DDX54: variants seen among roughly 807,000 people sequenced by gnomAD.
The protein encoded by DDX54 is DEAD-box helicase 54, also known as ATP-dependent RNA helicase DDX54.
Under a neutral mutation model 105.5 loss-of-function variants are expected in DDX54, and 67 were observed. The observed-to-expected ratio is 0.64, with a 90% CI of 0.52 to 0.78. The LOEUF is 0.78. Ranked by LOEUF, DDX54 falls within the 30% of genes least tolerant of loss-of-function variation. The pLI is 0.00. For missense variants in DDX54, 1,206 were observed against 1,230.5 expected, an observed-to-expected ratio of 0.98 and a Z score of 0.30; for synonymous variants, 514 against 509.9, an observed-to-expected ratio of 1.01 and a Z score of -0.11.
intron 17 of DDX54, 27 bp from the exon 18 acceptor site, chr12:113,162,024 G>A (rs779383733): frequency 8.1e-6 from 13 of 1,607,022 alleles, no homozygotes; most frequent in Admixed American, 1.7e-5. Context: ...TGGGACGGCT[G>A]CCGTGGAGGG....
intron 10 of DDX54, 144 bp from the exon 11 acceptor site, chr12:113,172,707 A>G: frequency 9.9e-7 from 1 of 1,014,812 alleles, no homozygotes; most frequent in Non-Finnish European, 1.4e-6. Flanking sequence ...TCTGAATCCC[A>G]GCTTGCTGGG....
At chr12:113,167,971 C>T (rs761969350) in intron 12 of DDX54, 1 of 506,544 alleles carries the variant, frequency 2.0e-6, no homozygotes. Context: ...GGCCCTTGCA[C>T]TCTCAGCTTT....
intron 3 of DDX54, 112 bp from the exon 4 acceptor site, chr12:113,179,443 G>A (rs978429715): frequency 1.5e-5 from 18 of 1,214,492 alleles, no homozygotes; most frequent in Non-Finnish European, 2.1e-5. Context: ...TGAATGGGCA[G>A]GCACCCGTCA....
chr12:113,158,727 G>T lies in DDX54; in HGVS notation c.*150C>A. 1.2e-6 allele frequency: 1 copy of T among 832,152 alleles called. No individual in the cohort carries two copies. The highest frequency in any genetic ancestry group is 1.8e-6 in the Non-Finnish European group (1 of 548,488). The allele number at this position is 832,152 out of a possible 1,614,324, so 51.5% of individuals were successfully genotyped here. A position where few individuals can be genotyped will look rare whatever the true frequency, so the allele number is the denominator to read the frequency against. On this transcript the variant is annotated 3_prime_UTR_variant, in exon 20 of 20. Transcript: ENST00000306014. This position sits in a 1 kb window ranked among gnomAD's most constrained non-coding sequence, Gnocchi z 4.9. The stretch of plus-strand genomic sequence containing the variant: ...CTGACGCAGCTGCTGCCCTTCTGTG[G>T]CCATACAGTGCTCCTTTTCACAGAT...
chr12:113,162,286 C>T (rs1952217393), intron 17 of DDX54, among the ~76,000 whole-genome samples: 1 of 152,176 alleles, frequency 6.6e-6, no homozygotes, highest in Non-Finnish European at 1.5e-5. Context: ...GGTTTCCAAT[C>T]CCCTCCCCCT....
intron 18 of DDX54, 127 bp downstream of exon 18, chr12:113,161,766 G>A (rs1473444065): frequency 1.4e-6 from 1 of 731,312 alleles, no homozygotes; most frequent in East Asian, 3.0e-5. Flanking sequence ...AGATGCGGCT[G>A]CTTAAGCCGC....
chr12:113,176,333 C>T (rs890243328), intron 7 of DDX54, among the ~76,000 whole-genome samples: 20 of 152,234 alleles, frequency 1.3e-4, no homozygotes, highest in African/African-American at 4.1e-4. Flanking sequence ...TTTGGGAGGC[C>T]GAGGCGGGTG....
At chr12:113,167,568 G>T (rs1378189335) in intron 12 of DDX54, among the ~76,000 whole-genome samples, 2 of 152,190 alleles carry the variant, frequency 1.3e-5, no homozygotes, top group Non-Finnish European at 2.9e-5. Context: ...GAGGTTTAGA[G>T]ATTTGCCAAG....
At chr12:113,179,568 A>G (rs1011792054) in intron 3 of DDX54, among the ~76,000 whole-genome samples, 2 of 152,182 alleles carry the variant, frequency 1.3e-5, no homozygotes, top group Non-Finnish European at 2.9e-5. Flanking sequence ...TCTTCGGAGG[A>G]GCCAGACTCT....
Position 113,172,419 on chromosome 12 carries a change from G to T in DDX54, c.1213C>A (p.Pro405Thr). 6.2e-7 allele frequency: 1 copy of T among 1,614,262 alleles called. No individual in the cohort carries two copies. The highest frequency in any genetic ancestry group is 8.5e-7 in the Non-Finnish European group (1 of 1,180,044). The change falls in exon 11 of 20, where the codon CCG (proline) becomes ACG (threonine). Residue 405 changes from proline (P) to threonine (T), a missense_variant. Physicochemically the swap from Pro to Thr is conservative, Grantham distance 38. Coordinates refer to ENST00000306014, the MANE Select transcript of DDX54 (RefSeq NM_024072.4). ...TAGTTGATGACATTGTCCAGCAGCG[G>T]GATGTCCAGGCCTCGGGCGGCCAGG... ...TDLAARGLDI[P>T]LLDNVINYSF...
chr12:113,163,332 C>T lies in DDX54; in HGVS notation c.1939-58G>A. ...GCCTGCTGCCCCCTGGGGACTTCCC[C>T]CTGCCTCCCTACCCACCAGCCTGGC... On this transcript the variant is annotated intron_variant, in intron 15 of 19. Transcript: ENST00000306014. The surrounding 1 kb of genome is among the most constrained non-coding windows in gnomAD (Gnocchi z 5.9). 5 of 1,559,788 alleles carry T rather than the reference C, an allele frequency of 3.2e-6. No homozygotes were observed. The South Asian group carries it at 5.8e-5, about 18-fold the overall frequency.
At chr12:113,172,212 A>T in intron 11 of DDX54, 141 bp downstream of exon 11, 1 of 928,334 alleles carries the variant, frequency 1.1e-6, no homozygotes, top group Non-Finnish European at 1.6e-6. Context: ...AGACCAGCTT[A>T]AGCAATATAG....
Position 113,179,146 on chromosome 12 carries a change from C to T in DDX54, c.561G>A (p.Lys187=), listed in dbSNP as rs770104291. ...CTCTAGCCAAGCTCAGACACACCTC[C>T]TTAGTGAACTTCAGGGTCTGCAGGG... ...ELALQTLKFT[K]ELGKFTGLKT... is the part of the protein sequence containing the mutation. The change falls in exon 4 of 20, where the codon AAG becomes AAA. Residue 187 remains lysine, a synonymous_variant. Coordinates refer to ENST00000306014, the MANE Select transcript of DDX54 (RefSeq NM_024072.4). The T allele has an allele frequency of 1.1e-5, 18 of 1,614,022 alleles. No homozygotes were observed. The Admixed American group carries it at 1.7e-4, about 15-fold the overall frequency.
At position 113,165,986 on chromosome 12, in the gene DDX54, C is replaced by T. The variant is rs903123706; in HGVS notation, c.1461G>A (p.Val487=). 7 of 1,612,178 alleles carry T rather than the reference C, an allele frequency of 4.3e-6. No homozygotes were observed. The African/African-American group carries it at 9.3e-5, about 22-fold the overall frequency. The change falls in exon 13 of 20, where the codon GTG becomes GTA. Residue 487 remains valine (V), a synonymous_variant. Transcript: ENST00000306014. ...GCAGACCACTGTCCTCCTCGTCCACCACACTCTGTGGCACCCGACCCAGCA... is the reference window on the plus strand; with the variant it reads ...GCAGACCACTGTCCTCCTCGTCCACTACACTCTGTGGCACCCGACCCAGCA... The part of the protein sequence containing the change: ...DGMLGRVPQS[V]VDEEDSGLQS...
intron 19 of DDX54, among the ~76,000 whole-genome samples, chr12:113,159,431 G>A (rs1158769189): frequency 6.6e-6 from 1 of 152,182 alleles, no homozygotes; most frequent in Non-Finnish European, 1.5e-5. Context: ...AAGAGTAAAT[G>A]CATTTCCATG....
chr12:113,185,077 G>A (rs1372692610), intron 1 of DDX54, among the ~76,000 whole-genome samples: 4 of 152,310 alleles, frequency 2.6e-5, no homozygotes, highest in African/African-American at 9.6e-5. Context: ...GGGATCCCAA[G>A]GCTCTGGCCG....
chr12:113,177,270 A>G, intron 5 of DDX54, 177 bp from the exon 6 acceptor site: 1 of 646,128 alleles, frequency 1.5e-6, no homozygotes, highest in South Asian at 2.1e-5. Context: ...GACAAGAGAT[A>G]CAAGCTGAAA....
At chr12:113,174,845 C>T (rs759896681) in intron 9 of DDX54, 30 bp downstream of exon 9, 1 of 1,614,192 alleles carries the variant, frequency 6.2e-7, no homozygotes, top group East Asian at 2.2e-5. Flanking sequence ...CTGGACACAA[C>T]CTCCTGGGAT....
intron 12 of DDX54, among the ~76,000 whole-genome samples, chr12:113,168,302 C>T (rs548236550): frequency 1.3e-5 from 2 of 152,350 alleles, no homozygotes; most frequent in African/African-American, 2.4e-5. Flanking sequence ...CTGAGGGCTG[C>T]GCTCTCTGCT....
Sources: gnomAD v4.1 joint callset for allele counts (sites outside exome capture counted in the v4.1 genomes callset) on GRCh38, gnomAD v4.1.1 for gene constraint, Gnocchi (gnomAD v3.1) non-coding constraint, MANE v1.5 for transcripts, NCBI Gene and HGNC (gene_info 2026-07-23, HGNC 2026-07-21) for gene names.